LINGO2: variants seen among roughly 807,000 people sequenced by gnomAD.
LINGO2 encodes the protein leucine rich repeat and Ig domain containing 2.
A neutral mutation model predicts 30.6 loss-of-function variants in LINGO2; 14 were observed. The ratio of observed to expected loss-of-function variants is 0.46; its 90% confidence interval spans 0.30 to 0.72. The LOEUF is 0.72. Ranked by LOEUF, LINGO2 falls within the 30% of genes least tolerant of loss-of-function variation. The probability of loss-of-function intolerance (pLI) is 0.07; values close to 1 mark genes in which losing one functional copy is unlikely to be tolerated. For missense variants in LINGO2, 729 were observed against 751.7 expected, an observed-to-expected ratio of 0.97 and a Z score of 0.35; for synonymous variants, 317 against 288.5, an observed-to-expected ratio of 1.10 and a Z score of -1.00.
At chr9:28,187,595 G>A (rs34714936) in intron 4 of LINGO2, among the ~76,000 whole-genome samples, 13,372 of 152,058 alleles carry the variant, frequency 0.088, 693 homozygotes, top group Middle Eastern at 0.15. Context: ...GACTGTAGGA[G>A]GAGAAAATTA....
chr9:28,325,056 C>T (rs562317551), intron 3 of LINGO2, among the ~76,000 whole-genome samples: 1 of 151,670 alleles, frequency 6.6e-6, no homozygotes, highest in South Asian at 2.1e-4. Flanking sequence ...CATACACTCC[C>T]TCTCTCTCTC....
Position 28,028,649 on chromosome 9 carries a change from G to A in LINGO2, c.-86-16244C>T, listed in dbSNP as rs147662642. 1.9e-3 allele frequency among the ~76,000 whole-genome samples: 285 copies of A among 152,216 alleles called. 2 individuals carry two copies. Among genetic ancestry groups the A allele is most frequent in the Middle Eastern group, 0.014 (4 of 294 alleles). On this transcript the variant is annotated intron_variant, in intron 4 of 5. Coordinates refer to ENST00000379992, the Ensembl canonical transcript of LINGO2. ...ATAAAAAATGGCATAGTATTTGCAT[G>A]TAACCTATGCATATCCTTCCATGTC...
chr9:28,361,139 G>A (rs1444553427), intron 3 of LINGO2, among the ~76,000 whole-genome samples: 7 of 152,200 alleles, frequency 4.6e-5, no homozygotes, highest in Non-Finnish European at 1.0e-4. Context: ...TAGTCATTTA[G>A]TAGCTGTTTT....
the LINGO2 span, among the ~76,000 whole-genome samples, chr9:28,808,975 C>G: frequency 6.6e-6 from 1 of 152,140 alleles, no homozygotes; most frequent in African/African-American, 2.4e-5. Flanking sequence ...CTCATTCTGT[C>G]TTACCAGATT....
intron 1 of LINGO2, among the ~76,000 whole-genome samples, chr9:28,618,169 C>T (rs895575548): frequency 1.3e-5 from 2 of 152,108 alleles, no homozygotes; most frequent in African/African-American, 4.8e-5. Context: ...TAGTGATTTC[C>T]AAATTCACAA....
At chr9:28,606,460 A>C (rs145983982) in intron 1 of LINGO2, among the ~76,000 whole-genome samples, 1 of 152,072 alleles carries the variant, frequency 6.6e-6, no homozygotes, top group Non-Finnish European at 1.5e-5. Context: ...TAGATATAAT[A>C]CCACTATTCC....
At chr9:28,682,806 TTAAA>T in the LINGO2 span, among the ~76,000 whole-genome samples, 8 of 152,214 alleles carry the variant, frequency 5.3e-5, no homozygotes, top group South Asian at 4.2e-4. Context: ...TTATGCAGAG[TTAAA>T]TAATAGGAAG....
chr9:28,079,437 C>T (rs370043811), intron 4 of LINGO2, among the ~76,000 whole-genome samples: 1 of 152,174 alleles, frequency 6.6e-6, no homozygotes, highest in African/African-American at 2.4e-5. Flanking sequence ...ACGCTCTTTT[C>T]AGTTACTCTA....
chr9:27,978,818 A>G (rs929280696), intron 5 of LINGO2, among the ~76,000 whole-genome samples: 1 of 152,046 alleles, frequency 6.6e-6, no homozygotes, highest in Non-Finnish European at 1.5e-5. Flanking sequence ...ATTTTACTAC[A>G]GCTAATGTTG....
At chr9:28,176,331 A>G (rs1476839838) in intron 4 of LINGO2, among the ~76,000 whole-genome samples, 1 of 152,176 alleles carries the variant, frequency 6.6e-6, no homozygotes, top group Non-Finnish European at 1.5e-5. Flanking sequence ...CTGATCGACA[A>G]AGGACCTTTT....
chr9:29,181,730 C>T, the LINGO2 span, among the ~76,000 whole-genome samples: 1 of 152,032 alleles, frequency 6.6e-6, no homozygotes, highest in Non-Finnish European at 1.5e-5. Flanking sequence ...AGACAGTCCA[C>T]AAGATTTTAG....
intron 2 of LINGO2, among the ~76,000 whole-genome samples, chr9:28,444,371 T>C (rs1824329127): frequency 6.6e-6 from 1 of 152,180 alleles, no homozygotes; most frequent in Non-Finnish European, 1.5e-5. Flanking sequence ...TGGGTGGCCA[T>C]GCCATGCAAC....
chr9:28,359,052 C>T (rs944619815), intron 3 of LINGO2, among the ~76,000 whole-genome samples: 5 of 152,174 alleles, frequency 3.3e-5, no homozygotes, highest in Non-Finnish European at 1.5e-5. Flanking sequence ...GCGCAAGATG[C>T]CCTTGAAAAT....
chr9:27,943,884 AGGATGTTCTCCAGGGAG>A (rs1345728775), downstream of LINGO2: 1 of 152,128 alleles, frequency 6.6e-6, no homozygotes, highest in Non-Finnish European at 1.5e-5. Context: ...CTTCCTATTC[AGGATGTTCTCCAGGGAG>A]AAGGGGATCA....
chr9:28,887,046 G>C, the LINGO2 span, among the ~76,000 whole-genome samples: 871 of 152,194 alleles, frequency 5.7e-3, 12 homozygotes, highest in African/African-American at 0.02. Flanking sequence ...GTATGAACAA[G>C]AAAGCCTAAT....
chr9:28,302,989 G>A (rs961532135), intron 3 of LINGO2, among the ~76,000 whole-genome samples: 4 of 152,094 alleles, frequency 2.6e-5, no homozygotes, highest in South Asian at 4.1e-4. Context: ...TAGGTCTTAC[G>A]CTTTCTAGCA....
At chr9:28,342,880 A>G (rs1156747171) in intron 3 of LINGO2, among the ~76,000 whole-genome samples, 1 of 152,086 alleles carries the variant, frequency 6.6e-6, no homozygotes, top group Non-Finnish European at 1.5e-5. Context: ...AATAACAAAA[A>G]CAGCTAGAAT....
intron 4 of LINGO2, among the ~76,000 whole-genome samples, chr9:28,285,929 G>A (rs186973914): frequency 4.1e-4 from 62 of 152,102 alleles, no homozygotes; most frequent in African/African-American, 1.4e-3. Flanking sequence ...CCCAATATAT[G>A]AGACTTTCAC....
chr9:28,446,792 T>C (rs576908516), intron 2 of LINGO2, among the ~76,000 whole-genome samples: 1 of 152,294 alleles, frequency 6.6e-6, no homozygotes, highest in African/African-American at 2.4e-5. Flanking sequence ...ACAAACAAAA[T>C]ACAAGTAAGC....
Sources: gnomAD v4.1 joint callset for allele counts (sites outside exome capture counted in the v4.1 genomes callset) on GRCh38, gnomAD v4.1.1 for gene constraint, MANE v1.5 for transcripts, NCBI Gene and HGNC (gene_info 2026-07-23, HGNC 2026-07-21) for gene names.